SPATA16: variants seen among roughly 807,000 people sequenced by gnomAD.
SPATA16 encodes spermatogenesis-associated protein 16.
SPATA16 carries 36 observed loss-of-function variants against 63.3 expected under a neutral mutation model. The observed-to-expected ratio is 0.57, with a 90% CI of 0.44 to 0.75. SPATA16 has a LOEUF of 0.75. SPATA16 is among the 30% of genes least tolerant of loss of function. The pLI is 0.00. For synonymous variants in SPATA16, 203 were observed against 216.7 expected (o/e 0.94, Z 0.56); for missense variants, 646 against 679.3 (o/e 0.95, Z 0.54).
rs78890551 is a variant in SPATA16, at chr3:173,107,455, A to C, written c.612+9665T>G. 6.1e-4 allele frequency among the ~76,000 whole-genome samples: 88 copies of C among 143,366 alleles called. 1 individual carries two copies. Among genetic ancestry groups the C allele is most frequent in the Admixed American group, 1.9e-3 (27 of 14,304 alleles). The allele number at this position is 143,366 out of a possible 152,430, so 94.1% of individuals were successfully genotyped here. ...GTGTGATGAAAATCTCTCTCTCTCT[A>C]TTTTTTTTTTTTTTTACTCCCTAAG... On this transcript the variant is annotated intron_variant, in intron 2 of 10. Transcript: ENST00000351008.
chr3:173,089,187 A>T (rs767119096), intron 2 of SPATA16, among the ~76,000 whole-genome samples: 7 of 152,164 alleles, frequency 4.6e-5, no homozygotes, highest in Non-Finnish European at 7.4e-5. Context: ...GAATACATCC[A>T]TAGAGAATTG....
In SPATA16 at chr3:172,924,283, A is replaced by G; in HGVS notation, c.1263T>C (p.Asp421=). Residue 421 remains aspartate (D), a synonymous_variant, in exon 8 of 11, where the codon GAT becomes GAC. Coordinates refer to ENST00000351008, the MANE Select transcript of SPATA16 (RefSeq NM_031955.6). ...HKTPFGLTRE[D]TVRQMETMGK... ...CCATTGTCTCCATTTGCCTCACTGTATCTTCTCTGGTCAGACCGAAAGGTG... is the reference window on the plus strand; with the variant it reads ...CCATTGTCTCCATTTGCCTCACTGTGTCTTCTCTGGTCAGACCGAAAGGTG... 1.2e-6 allele frequency: 2 copies of G among 1,613,442 alleles called. No homozygotes were observed. The highest frequency in any genetic ancestry group is 1.1e-5 in the South Asian group (1 of 91,080).
intron 2 of SPATA16, among the ~76,000 whole-genome samples, chr3:173,065,825 A>T (rs1053670269): frequency 8.6e-5 from 13 of 151,042 alleles, no homozygotes; most frequent in Admixed American, 4.6e-4. Context: ...GAATTCCCTG[A>T]CCCAGTATGA....
intron 1 of SPATA16, among the ~76,000 whole-genome samples, chr3:173,132,432 G>C (rs1738410947): frequency 6.6e-6 from 1 of 152,082 alleles, no homozygotes; most frequent in Non-Finnish European, 1.5e-5. Context: ...AAGAGTAATA[G>C]TAAAAGTAAA....
intron 2 of SPATA16, among the ~76,000 whole-genome samples, chr3:173,066,273 C>T (rs540505063): frequency 6.2e-4 from 95 of 152,180 alleles, no homozygotes; most frequent in Non-Finnish European, 6.6e-4. Flanking sequence ...TCAACATCTG[C>T]TGACTAATGT....
intron 2 of SPATA16, among the ~76,000 whole-genome samples, chr3:173,053,983 ATATATCAACATAATTTTTACAC>A (rs539559125): frequency 0.051 from 7,745 of 152,182 alleles, 247 homozygotes; most frequent in African/African-American, 0.075. Flanking sequence ...ATAATAGAAG[ATATATCAACATAATTTTTACAC>A]TATATCAACA....
intron 2 of SPATA16, among the ~76,000 whole-genome samples, chr3:173,088,078 C>CTTTCTT (rs1205350840): frequency 2.7e-5 from 2 of 73,918 alleles, no homozygotes; most frequent in African/African-American, 5.1e-5. Context: ...TTCTTTCTTT[C>CTTTCTT]TGTCTTTTCT....
intron 1 of SPATA16, among the ~76,000 whole-genome samples, chr3:173,126,861 C>A (rs1400729319): frequency 6.6e-6 from 1 of 152,160 alleles, no homozygotes; most frequent in Non-Finnish European, 1.5e-5. Context: ...AAATTGTTGT[C>A]ACAATTTCCA....
chr3:172,964,553 C>A (rs564583386), intron 5 of SPATA16, among the ~76,000 whole-genome samples: 5 of 152,214 alleles, frequency 3.3e-5, no homozygotes, highest in African/African-American at 1.2e-4. Flanking sequence ...CTGGGTATTA[C>A]TAATGAGCTT....
rs139392346 is a variant in SPATA16 at position 172,966,639 on chromosome 3, C to A, written c.934-9815G>T. Among the ~76,000 whole-genome samples, 4 of 152,184 alleles carry A rather than the reference C, an allele frequency of 2.6e-5. No individual in the cohort carries two copies. In the East Asian group the frequency reaches 5.8e-4, roughly 22 times the overall value. On this transcript the variant is annotated intron_variant, in intron 5 of 10. Transcript: ENST00000351008. ...TATCATGAAAAAGAGAATGATTCAG[C>A]CCAGGTACAGATAAGTAGGCAGTCT...
chr3:172,967,691 C>G (rs1478234113), intron 5 of SPATA16, among the ~76,000 whole-genome samples: 1 of 152,214 alleles, frequency 6.6e-6, no homozygotes, highest in African/African-American at 2.4e-5. Context: ...CACCTCCAGT[C>G]AGATCAACAG....
intron 3 of SPATA16, among the ~76,000 whole-genome samples, chr3:173,037,174 G>A (rs1003400988): frequency 6.6e-6 from 1 of 152,038 alleles, no homozygotes; most frequent in Non-Finnish European, 1.5e-5. Context: ...CATGGAACAT[G>A]CTTGTTGGTT....
chr3:172,983,657 T>C (rs1734373250), intron 4 of SPATA16, among the ~76,000 whole-genome samples: 1 of 152,014 alleles, frequency 6.6e-6, no homozygotes, highest in South Asian at 2.1e-4. Context: ...ATTTTTCTTT[T>C]GACTATAAAT....
intron 4 of SPATA16, among the ~76,000 whole-genome samples, chr3:173,002,943 A>C (rs1195521599): frequency 6.6e-6 from 1 of 152,212 alleles, no homozygotes; most frequent in East Asian, 1.9e-4. Context: ...GAAAAGGGAA[A>C]ACTGTAAAAT....
chr3:173,119,755 G>C (rs535607916), intron 1 of SPATA16, among the ~76,000 whole-genome samples: 1 of 152,310 alleles, frequency 6.6e-6, no homozygotes, highest in Admixed American at 6.5e-5. Context: ...GCAAGACCCT[G>C]TTTCCTTTTC....
At chr3:173,019,647 G>A in intron 3 of SPATA16, 72 bp from the exon 4 acceptor site, 2 of 1,346,384 alleles carry the variant, frequency 1.5e-6, no homozygotes, top group Non-Finnish European at 2.1e-6. Context: ...GCAATGGAAT[G>A]AAATCACAGG....
At chr3:172,953,604 G>A (rs1318619134) in intron 6 of SPATA16, among the ~76,000 whole-genome samples, 2 of 152,150 alleles carry the variant, frequency 1.3e-5, no homozygotes, top group Middle Eastern at 3.2e-3. Context: ...CACTTAATGG[G>A]CCACATAAAT....
intron 1 of SPATA16, among the ~76,000 whole-genome samples, chr3:173,128,732 T>A (rs541822646): frequency 2.0e-5 from 3 of 152,268 alleles, no homozygotes; most frequent in Non-Finnish European, 4.4e-5. Flanking sequence ...GATATTATTA[T>A]AATTACTTTC....
intron 3 of SPATA16, among the ~76,000 whole-genome samples, chr3:173,046,389 G>A (rs557669743): frequency 1.3e-5 from 2 of 152,112 alleles, no homozygotes; most frequent in South Asian, 2.1e-4. Flanking sequence ...GTGCTTAGCT[G>A]ATTAATTTCA....
Sources: allele counts gnomAD v4.1 joint callset (sites outside exome capture counted in the v4.1 genomes callset), GRCh38; gene constraint gnomAD v4.1.1; transcripts MANE v1.5; gene names NCBI Gene and HGNC (gene_info 2026-07-23, HGNC 2026-07-21).